The following ZBTB40 variants were observed in gnomAD, a reference collection of about 807,000 sequenced individuals.
ZBTB40 encodes the protein zinc finger and BTB domain containing 40, also known as zinc finger and BTB domain-containing protein 40.
ZBTB40 carries 60 observed loss-of-function variants against 117.5 expected under a neutral mutation model. The observed-to-expected ratio is 0.51, with a 90% CI of 0.41 to 0.63. The LOEUF is 0.63. Among genes scored for constraint, ZBTB40 ranks in the 30% least tolerant of loss-of-function variants. The pLI, the probability that ZBTB40 is intolerant of heterozygous loss-of-function variation, is 0.00. For synonymous variants in ZBTB40, 525 were observed against 577.1 expected (o/e 0.91, Z 1.29); for missense variants, 1,287 against 1,498.5 (o/e 0.86, Z 2.33).
At chr1:22,446,122 G>T (rs1640785922) in intron 1 of ZBTB40, among the ~76,000 whole-genome samples, 1 of 151,454 alleles carries the variant, frequency 6.6e-6, no homozygotes, top group South Asian at 2.1e-4. Context: ...CACTGTGACA[G>T]AAATGGAGAA....
intron 12 of ZBTB40, among the ~76,000 whole-genome samples, chr1:22,514,160 A>G (rs1639316446): frequency 6.6e-6 from 1 of 152,186 alleles, no homozygotes. Context: ...GTTGGAGGGG[A>G]GGAGGAGGTA....
At chr1:22,474,757 T>A (rs1221260770) in intron 1 of ZBTB40, among the ~76,000 whole-genome samples, 7 of 152,228 alleles carry the variant, frequency 4.6e-5, no homozygotes, top group African/African-American at 1.4e-4. Context: ...AGGAAGGAGA[T>A]TGGACTAAGG....
At chr1:22,506,557 C>T (rs2124450721) in intron 6 of ZBTB40, among the ~76,000 whole-genome samples, 1 of 152,284 alleles carries the variant, frequency 6.6e-6, no homozygotes, top group Non-Finnish European at 1.5e-5. Context: ...AGGCTTAGCA[C>T]TGTGTCAGCC....
Position 22,490,165 on chromosome 1 carries a change from C to G in ZBTB40, c.217C>G (p.Leu73Val), listed in dbSNP as rs1435419423. The G allele has an allele frequency of 1.2e-6, 2 of 1,614,050 alleles. No individual in the cohort carries two copies. Among genetic ancestry groups the G allele is most frequent in the Non-Finnish European group, 1.7e-6 (2 of 1,180,026 alleles). The change falls in exon 2 of 18, where the codon CTC becomes GTC. Residue 73 changes from leucine (L) to valine (V), a missense_variant. Coordinates refer to ENST00000375647, the MANE Select transcript of ZBTB40 (RefSeq NM_014870.4). ...TGTGGTGAGCCCCGAGGAGTTTGCG[C>G]TCTTGTTGGAAATGATGTACACGGG... ...ASVVSPEEFA[L>V]LLEMMYTGKL...
At chr1:22,511,596 G>A (rs1411483484) in intron 10 of ZBTB40, 80 bp from the exon 11 acceptor site, 1 of 1,482,102 alleles carries the variant, frequency 6.7e-7, no homozygotes, top group Non-Finnish European at 9.2e-7. Flanking sequence ...CTAGTCTCCT[G>A]TAAGAAGTGT....
intron 1 of ZBTB40, among the ~76,000 whole-genome samples, chr1:22,455,364 A>C (rs1640980293): frequency 6.6e-6 from 1 of 152,226 alleles, no homozygotes; most frequent in Non-Finnish European, 1.5e-5. Flanking sequence ...GTTCGGGTTC[A>C]TAAATGTAAG....
intron 3 of ZBTB40, among the ~76,000 whole-genome samples, chr1:22,494,007 A>T (rs1638705503): frequency 6.6e-6 from 1 of 152,052 alleles, no homozygotes; most frequent in African/African-American, 2.4e-5. Flanking sequence ...GGATACTATC[A>T]CCTACATCAT....
intron 1 of ZBTB40, among the ~76,000 whole-genome samples, chr1:22,468,718 C>A (rs1165632035): frequency 1.5e-5 from 2 of 134,316 alleles, no homozygotes; most frequent in African/African-American, 2.8e-5. Flanking sequence ...AAGCTGATCT[C>A]GAACTCCTGG....
chr1:22,466,934 T>G (rs1365693417), intron 1 of ZBTB40, among the ~76,000 whole-genome samples: 1 of 152,086 alleles, frequency 6.6e-6, no homozygotes, highest in Non-Finnish European at 1.5e-5. Flanking sequence ...ATTTATTTAT[T>G]TATTGGGGGA....
chr1:22,463,282 CT>C (rs1240297089), intron 1 of ZBTB40, among the ~76,000 whole-genome samples: 2 of 152,182 alleles, frequency 1.3e-5, no homozygotes, highest in Admixed American at 6.5e-5. Flanking sequence ...GTGTGTTACT[CT>C]TTAGTTGCCA....
rs1044583499 is a variant in ZBTB40 at position 22,521,054 on chromosome 1, G to A, written c.3049-442G>A. 2.9e-4 allele frequency among the ~76,000 whole-genome samples: 44 copies of A among 152,230 alleles called. 1 individual carries two copies. Among genetic ancestry groups the A allele is most frequent in the African/African-American group, 4.8e-4 (20 of 41,462 alleles). On this transcript the variant is annotated intron_variant, in intron 14 of 17. Transcript: ENST00000375647. ...TGTGCACTCCTCCAGCAGCTTGCTC[G>A]GCTGTGCCCCAGCTCCCTGGGAAGC...
chr1:22,436,240 G>A (rs1444343430), intron 1 of ZBTB40, among the ~76,000 whole-genome samples: 3 of 152,110 alleles, frequency 2.0e-5, no homozygotes, highest in Admixed American at 6.5e-5. Flanking sequence ...TGCCGGACGC[G>A]GTGGCTCATG....
chr1:22,436,012 T>C (rs1219066702), intron 1 of ZBTB40, among the ~76,000 whole-genome samples: 3 of 150,982 alleles, frequency 2.0e-5, no homozygotes, highest in African/African-American at 7.3e-5. Context: ...ACACCAACTG[T>C]TGATGAGGAT....
chr1:22,484,309 G>A (rs1638406872), intron 1 of ZBTB40, among the ~76,000 whole-genome samples: 1 of 152,120 alleles, frequency 6.6e-6, no homozygotes, highest in South Asian at 2.1e-4. Context: ...CATTTTTAAA[G>A]TTCTTTGATA....
rs1433185763 is a variant in ZBTB40, at chr1:22,508,079, A to G, written c.1439A>G (p.Asn480Ser). The G allele has an allele frequency of 6.2e-7, 1 of 1,614,166 alleles. No homozygotes were observed. The highest frequency in any genetic ancestry group is 1.1e-5 in the South Asian group (1 of 91,080). ...AACCTCTCTGAGATTTTCACAGACA[A>G]CCAGATTTTATTAAAGATGATCTCA... ...HENLSEIFTDNQILLKMISHM... is the reference protein window; with the variant it reads ...HENLSEIFTDSQILLKMISHM... The change falls in exon 7 of 18, where the codon AAC becomes AGC. Residue 480 changes from asparagine to serine, a missense_variant. Transcript: ENST00000375647.
At chr1:22,491,628 C>A in intron 3 of ZBTB40, 95 bp downstream of exon 3, 177 of 1,245,424 alleles carry the variant, frequency 1.4e-4, no homozygotes, top group Middle Eastern at 2.0e-4. Flanking sequence ...CCCAGGGTTT[C>A]AATGTTTTGA....
intron 9 of ZBTB40, among the ~76,000 whole-genome samples, chr1:22,510,263 ACT>A (rs760207740): frequency 1.3e-5 from 2 of 152,082 alleles, no homozygotes; most frequent in African/African-American, 4.8e-5. Context: ...CGGGTTTCTA[ACT>A]CTCTCTGTGC....
intron 13 of ZBTB40, chr1:22,519,671 G>C (rs2124469519): frequency 3.1e-6 from 1 of 323,188 alleles, no homozygotes; most frequent in East Asian, 8.0e-5. Flanking sequence ...ATGCTCTGGG[G>C]AGTGTGCTGG....
chr1:22,460,165 G>A (rs10917236), intron 1 of ZBTB40, among the ~76,000 whole-genome samples: 43,584 of 151,812 alleles, frequency 0.29, 7,703 homozygotes, highest in East Asian at 0.46. Context: ...TGTGTCCTGC[G>A]TACAGTTCAG....
Sources: allele counts gnomAD v4.1 joint callset (sites outside exome capture counted in the v4.1 genomes callset), GRCh38; gene constraint gnomAD v4.1.1; transcripts MANE v1.5; gene names NCBI Gene and HGNC (gene_info 2026-07-23, HGNC 2026-07-21).